PANX1: variants seen among roughly 807,000 people sequenced by gnomAD.
The protein encoded by PANX1 is pannexin 1.
In PANX1, 30 loss-of-function variants were observed where a neutral mutation model predicts 38.7. That is an observed-to-expected ratio of 0.78 (90% CI 0.58 to 1.05). PANX1 has a LOEUF of 1.05. PANX1 is among the 50% of genes least tolerant of loss of function. PANX1 has a pLI of 0.00. For missense variants in PANX1, 551 were observed against 517.2 expected (o/e 1.07, Z -0.63); for synonymous variants, 230 against 212.2 (o/e 1.08, Z -0.73).
At chr11:94,153,666 T>C in intron 2 of PANX1, 36 bp downstream of exon 2, 1 of 1,599,058 alleles carries the variant, frequency 6.3e-7, no homozygotes, top group South Asian at 1.1e-5. Context: ...ACCTGTTTGC[T>C]TTATAGATAA....
intron 2 of PANX1, among the ~76,000 whole-genome samples, chr11:94,167,486 C>G (rs1440454878): frequency 2.0e-5 from 3 of 152,098 alleles, no homozygotes; most frequent in African/African-American, 7.2e-5. Flanking sequence ...TCAGGTTTTT[C>G]ACATATGATA....
At position 94,181,022 on chromosome 11, in the gene PANX1, G is replaced by A. The variant is rs1329897196; in HGVS notation, c.*153G>A. The stretch of plus-strand genomic sequence containing the variant: ...TTATTGAGTCCCTAATGGAAATGGT[G>A]ATCAACAAAAGGTTATGGAAGAATG... On this transcript the variant is annotated 3_prime_UTR_variant, in exon 5 of 5. Coordinates refer to ENST00000227638, the MANE Select transcript of PANX1 (RefSeq NM_015368.4). 11 of 608,776 alleles carry A rather than the reference G, an allele frequency of 1.8e-5. No homozygotes were observed. Among genetic ancestry groups the A allele is most frequent in the Non-Finnish European group, 2.4e-5 (8 of 338,686 alleles). 37.7% of individuals were successfully genotyped at this position (608,776 alleles called of 1,614,324 possible).
chr11:94,136,577 G>A (rs1455075790), intron 1 of PANX1, among the ~76,000 whole-genome samples: 2 of 152,084 alleles, frequency 1.3e-5, no homozygotes, highest in South Asian at 2.1e-4. Context: ...TCAGGAGATC[G>A]AGACCACGGT....
At chr11:94,176,791 T>C (rs915995803) in intron 2 of PANX1, among the ~76,000 whole-genome samples, 1 of 151,672 alleles carries the variant, frequency 6.6e-6, no homozygotes, top group African/African-American at 2.4e-5. Context: ...TGGAAAAAGA[T>C]GTCTCTGGGG....
At chr11:94,141,997 TG>T (rs1946767332) in intron 1 of PANX1, among the ~76,000 whole-genome samples, 1 of 152,158 alleles carries the variant, frequency 6.6e-6, no homozygotes, top group Non-Finnish European at 1.5e-5. Context: ...CTGCTGGGGT[TG>T]GGGAATGTGT....
At chr11:94,134,836 G>A (rs961147222) in intron 1 of PANX1, among the ~76,000 whole-genome samples, 4 of 152,140 alleles carry the variant, frequency 2.6e-5, no homozygotes, top group Non-Finnish European at 5.9e-5. Flanking sequence ...CGAATCTGCT[G>A]GTACCTTGAT....
chr11:94,134,980 C>CT (rs1286921027), intron 1 of PANX1, among the ~76,000 whole-genome samples: 1 of 152,186 alleles, frequency 6.6e-6, no homozygotes, highest in African/African-American at 2.4e-5. Context: ...TTTAAGGGGT[C>CT]TTTTGACAGG....
chr11:94,148,739 A>G lies in PANX1; in HGVS notation c.182-4752A>G, dbSNP rs1330300369. Among the ~76,000 whole-genome samples, 7 of 152,276 alleles carry G rather than the reference A, an allele frequency of 4.6e-5. No homozygotes were observed. The East Asian group carries it at 1.3e-3, about 29-fold the overall frequency. Reference sequence around the variant, plus strand: ...AACCAATTTTTTGTTGTGTAACTTAAAATCATTTCGCAGACTTTTAAAATC... The same window carrying G: ...AACCAATTTTTTGTTGTGTAACTTAGAATCATTTCGCAGACTTTTAAAATC... On this transcript the variant is annotated intron_variant, in intron 1 of 4. Transcript: ENST00000227638.
At position 94,153,608 on chromosome 11, in the gene PANX1, A is replaced by G. The variant is rs1311124661; in HGVS notation, c.299A>G (p.Asn100Ser). 1.9e-6 allele frequency: 3 copies of G among 1,613,676 alleles called. No homozygotes were observed. The highest frequency in any genetic ancestry group is 2.5e-6 in the Non-Finnish European group (3 of 1,179,832). Residue 100 changes from asparagine to serine, a missense_variant, in exon 2 of 5, where the codon AAC (asparagine) becomes AGC (serine). Physicochemically the swap from Asn to Ser is conservative, Grantham distance 46 (BLOSUM62 1). Coordinates refer to ENST00000227638, the MANE Select transcript of PANX1 (RefSeq NM_015368.4). ...AACTCACTGCAGAGCGAGTCTGGAA[A>G]CCTCCCACTGTGGCTGCATAAGGTA... ...QKNSLQSESG[N>S]LPLWLHKFFP...
intron 1 of PANX1, among the ~76,000 whole-genome samples, chr11:94,151,408 G>A (rs1277373225): frequency 6.6e-6 from 1 of 152,182 alleles, no homozygotes; most frequent in Non-Finnish European, 1.5e-5. Context: ...TGCACAATGA[G>A]GACTTTGCCT....
chr11:94,153,988 G>A (rs1169837127), intron 2 of PANX1, among the ~76,000 whole-genome samples: 1 of 152,180 alleles, frequency 6.6e-6, no homozygotes, highest in East Asian at 1.9e-4. Flanking sequence ...GGCAGAGCTA[G>A]GATTCATGCA....
chr11:94,157,424 C>T (rs1301476154), intron 2 of PANX1, among the ~76,000 whole-genome samples: 7 of 152,286 alleles, frequency 4.6e-5, no homozygotes, highest in African/African-American at 1.7e-4. Context: ...TTAATGATCG[C>T]CATTCTAACT....
Position 94,179,769 on chromosome 11 carries a change from C to G in PANX1, c.713C>G (p.Ser238Cys), listed in dbSNP as rs765539053. The change falls in exon 4 of 5, where the codon TCC becomes TGC. Residue 238 changes from serine (S) to cysteine (C), a missense_variant. Physicochemically the swap from Ser to Cys is moderately radical, Grantham distance 112. Coordinates refer to ENST00000227638, the MANE Select transcript of PANX1 (RefSeq NM_015368.4). ...CIYLGYYFSL[S>C]SLSDEFVCSI... ...TACCTGGGCTATTACTTCAGCCTCT[C>G]CTCACTCTCAGACGAGTTTGTGTGC... is the stretch of plus-strand genomic sequence containing the variant. 7 of 1,614,114 alleles carry G rather than the reference C, an allele frequency of 4.3e-6. No homozygotes were observed. Among genetic ancestry groups the G allele is most frequent in the Non-Finnish European group, 5.9e-6 (7 of 1,180,006 alleles).
rs575850970 is a variant in PANX1 at position 94,150,182 on chromosome 11, G to A, written c.182-3309G>A. Among the ~76,000 whole-genome samples the A allele has an allele frequency of 4.0e-4, 60 of 150,174 alleles. 1 individual carries two copies. The South Asian group carries it at 0.011, about 28-fold the overall frequency. ...TCTGGCAAGAGGGCCTCCGGGCAGAGGGGATCATGTAAGGCATAGATCTGA... is the reference window on the plus strand; with the variant it reads ...TCTGGCAAGAGGGCCTCCGGGCAGAAGGGATCATGTAAGGCATAGATCTGA... On this transcript the variant is annotated intron_variant, in intron 1 of 4. Transcript: ENST00000227638.
chr11:94,180,651 T>A, intron 4 of PANX1, 139 bp from the exon 5 acceptor site: 1 of 583,792 alleles, frequency 1.7e-6, no homozygotes, highest in Admixed American at 2.9e-5. Flanking sequence ...GGACTAAAAG[T>A]TTATTGATTC....
intron 2 of PANX1, among the ~76,000 whole-genome samples, chr11:94,161,367 A>C (rs1162316023): frequency 6.6e-6 from 1 of 152,254 alleles, no homozygotes; most frequent in Non-Finnish European, 1.5e-5. Flanking sequence ...TACACCAATC[A>C]GACGCAGATT....
At chr11:94,162,275 G>T (rs1314629441) in intron 2 of PANX1, among the ~76,000 whole-genome samples, 4 of 152,212 alleles carry the variant, frequency 2.6e-5, no homozygotes, top group Admixed American at 2.6e-4. Flanking sequence ...AGTCTGCAGA[G>T]GTTTCTGCTG....
intron 1 of PANX1, among the ~76,000 whole-genome samples, chr11:94,142,140 GC>G (rs1276239116): frequency 6.6e-6 from 1 of 152,186 alleles, no homozygotes; most frequent in African/African-American, 2.4e-5. Context: ...CAAGCTCACA[GC>G]CCAGCTCAGA....
chr11:94,134,423 A>G (rs1264966236), intron 1 of PANX1, among the ~76,000 whole-genome samples: 1 of 152,112 alleles, frequency 6.6e-6, no homozygotes, highest in Non-Finnish European at 1.5e-5. Context: ...TTCTAGAAGT[A>G]TTTCTCTAAA....
Sources: allele counts gnomAD v4.1 joint callset (sites outside exome capture counted in the v4.1 genomes callset), GRCh38; gene constraint gnomAD v4.1.1; transcripts MANE v1.5; gene names NCBI Gene and HGNC (gene_info 2026-07-23, HGNC 2026-07-21).